The following NRXN1 variants were observed in gnomAD, a reference collection of about 807,000 sequenced individuals.
NRXN1 encodes neurexin 1, also known as neurexin-1.
Under a neutral mutation model 150.9 loss-of-function variants are expected in NRXN1, and 39 were observed. The observed-to-expected ratio is 0.26, with a 90% CI of 0.20 to 0.34. The LOEUF is 0.34. Ranked by LOEUF, NRXN1 falls within the 10% of genes least tolerant of loss-of-function variation. NRXN1 has a pLI of 1.00. For synonymous variants in NRXN1, 924 were observed against 757.0 expected (o/e 1.22, Z -3.62); for missense variants, 1,815 against 1,949.9 (o/e 0.93, Z 1.30).
chr2:50,338,766 C>T (rs1315944704), intron 17 of NRXN1, among the ~76,000 whole-genome samples: 3 of 151,456 alleles, frequency 2.0e-5, no homozygotes, highest in East Asian at 1.9e-4. Context: ...ATGTGCTCAT[C>T]GGTTACTGTG....
intron 2 of NRXN1, among the ~76,000 whole-genome samples, chr2:51,009,809 C>G (rs558460911): frequency 6.6e-6 from 1 of 151,834 alleles, no homozygotes; most frequent in African/African-American, 2.4e-5. Context: ...AACATTAACA[C>G]AAATCACTCT....
At chr2:50,078,691 T>A (rs902410055) in intron 19 of NRXN1, among the ~76,000 whole-genome samples, 3 of 152,170 alleles carry the variant, frequency 2.0e-5, no homozygotes, top group African/African-American at 7.2e-5. Flanking sequence ...TGTCCCTCAA[T>A]TTTGGTTTGT....
At chr2:50,814,896 G>C (rs997078627) in intron 5 of NRXN1, among the ~76,000 whole-genome samples, 3 of 152,032 alleles carry the variant, frequency 2.0e-5, no homozygotes, top group Non-Finnish European at 4.4e-5. Flanking sequence ...ACCTCAAAGG[G>C]GAAGTAAGTT....
intron 15 of NRXN1, among the ~76,000 whole-genome samples, chr2:50,475,864 G>C (rs981978590): frequency 2.6e-5 from 3 of 116,038 alleles, no homozygotes; most frequent in African/African-American, 1.1e-4. Context: ...GATCCTTGAA[G>C]TGACGGGTTT....
At chr2:50,848,638 T>C (rs1227259969) in intron 5 of NRXN1, among the ~76,000 whole-genome samples, 1 of 152,126 alleles carries the variant, frequency 6.6e-6, no homozygotes, top group Non-Finnish European at 1.5e-5. Flanking sequence ...AGACTAGGAC[T>C]GGAAAACTTT....
chr2:50,710,039 C>T (rs923506895), intron 5 of NRXN1, among the ~76,000 whole-genome samples: 1 of 152,076 alleles, frequency 6.6e-6, no homozygotes, highest in African/African-American at 2.4e-5. Flanking sequence ...AGAAAGCATC[C>T]ACCAGAACAT....
At chr2:50,352,612 G>A (rs2078489287) in intron 17 of NRXN1, among the ~76,000 whole-genome samples, 1 of 151,832 alleles carries the variant, frequency 6.6e-6, no homozygotes, top group Non-Finnish European at 1.5e-5. Context: ...TTCTGAGTTT[G>A]AACTGAGCGT....
chr2:51,023,012 G>C (rs1669873356), intron 2 of NRXN1, among the ~76,000 whole-genome samples: 1 of 152,132 alleles, frequency 6.6e-6, no homozygotes, highest in Non-Finnish European at 1.5e-5. Context: ...GAACCAAAGT[G>C]TTCTGAACAA....
intron 21 of NRXN1, among the ~76,000 whole-genome samples, chr2:49,966,246 T>G (rs1676944051): frequency 6.6e-6 from 1 of 152,148 alleles, no homozygotes; most frequent in South Asian, 2.1e-4. Context: ...CTTCCTCATT[T>G]TCAAGATGAA....
chr2:50,699,479 G>C (rs994254997), intron 5 of NRXN1, among the ~76,000 whole-genome samples: 1 of 152,004 alleles, frequency 6.6e-6, no homozygotes, highest in African/African-American at 2.4e-5. Flanking sequence ...GGCAGAAGGG[G>C]AAGTCAGAGA....
At chr2:49,926,324 C>T in intron 22 of NRXN1, 1 of 398,394 alleles carries the variant, frequency 2.5e-6, no homozygotes, top group Non-Finnish European at 4.4e-6. Flanking sequence ...TTAATCCTTC[C>T]TCTCTCTTCT....
At chr2:50,100,007 A>T (rs1186059013) in intron 18 of NRXN1, among the ~76,000 whole-genome samples, 1 of 152,156 alleles carries the variant, frequency 6.6e-6, no homozygotes, top group Non-Finnish European at 1.5e-5. Flanking sequence ...GAAAAAATTT[A>T]GATATTACTA....
At chr2:50,573,568 T>C (rs1444740467) in intron 8 of NRXN1, among the ~76,000 whole-genome samples, 1 of 151,966 alleles carries the variant, frequency 6.6e-6, no homozygotes, top group East Asian at 1.9e-4. Flanking sequence ...ATGCTAACAA[T>C]CAAATATGAT....
chr2:50,155,904 T>A (rs574877122), intron 18 of NRXN1, among the ~76,000 whole-genome samples: 29 of 151,790 alleles, frequency 1.9e-4, no homozygotes, highest in African/African-American at 6.3e-4. Flanking sequence ...TTTGTAAATT[T>A]GTACAAAAAG....
intron 17 of NRXN1, among the ~76,000 whole-genome samples, chr2:50,341,858 T>C (rs2077570554): frequency 6.6e-6 from 1 of 152,246 alleles, no homozygotes; most frequent in Non-Finnish European, 1.5e-5. Flanking sequence ...TCAGATCATT[T>C]CATGGTGAGT....
chr2:50,855,744 GACAA>G (rs1326228270), intron 5 of NRXN1, among the ~76,000 whole-genome samples: 1 of 151,910 alleles, frequency 6.6e-6, no homozygotes, highest in Non-Finnish European at 1.5e-5. Context: ...AAGAGGAAAG[GACAA>G]ACATTCATTG....
At chr2:50,879,993 C>A (rs769121263) in intron 5 of NRXN1, among the ~76,000 whole-genome samples, 1 of 151,840 alleles carries the variant, frequency 6.6e-6, no homozygotes, top group African/African-American at 2.4e-5. Context: ...TTAAAGATGC[C>A]TCTTTTCCCA....
intron 2 of NRXN1, among the ~76,000 whole-genome samples, chr2:50,974,177 A>G (rs1316389549): frequency 1.3e-5 from 2 of 152,178 alleles, no homozygotes; most frequent in Non-Finnish European, 2.9e-5. Context: ...CATGATGTGA[A>G]TACAGTTTTA....
chr2:50,437,673 T>C (rs1471346968), intron 17 of NRXN1, among the ~76,000 whole-genome samples: 1 of 151,924 alleles, frequency 6.6e-6, no homozygotes, highest in Non-Finnish European at 1.5e-5. Context: ...CAGTTCCTAC[T>C]AACTACTTCA....
Sources: allele counts gnomAD v4.1 joint callset (sites outside exome capture counted in the v4.1 genomes callset), GRCh38; gene constraint gnomAD v4.1.1; transcripts MANE v1.5; gene names NCBI Gene and HGNC (gene_info 2026-07-23, HGNC 2026-07-21).